The following SGCD variants were observed in gnomAD, a reference collection of about 807,000 sequenced individuals.
The protein encoded by SGCD is sarcoglycan delta.
In SGCD, 18 loss-of-function variants were observed where a neutral mutation model predicts 36.6. The ratio of observed to expected loss-of-function variants is 0.49; its 90% CI spans 0.34 to 0.73. The LOEUF is 0.73. SGCD is among the 30% of genes least tolerant of loss of function. The pLI, the probability that SGCD is intolerant of heterozygous loss-of-function variation, is 0.01. For missense variants in SGCD, 387 were observed against 346.7 expected (o/e 1.12, Z -0.92); for synonymous variants, 133 against 130.6 (o/e 1.02, Z -0.12).
chr5:156,477,127 A>C (rs1448852518), intron 3 of SGCD, among the ~76,000 whole-genome samples: 3 of 151,972 alleles, frequency 2.0e-5, no homozygotes, highest in Admixed American at 2.0e-4. Flanking sequence ...AGCATTTCAG[A>C]GTCAGTGCTT....
intron 3 of SGCD, among the ~76,000 whole-genome samples, chr5:156,452,956 G>A (rs760016115): frequency 1.3e-5 from 2 of 152,094 alleles, no homozygotes; most frequent in Non-Finnish European, 2.9e-5. Flanking sequence ...CTATGACCCA[G>A]CCGAATCTTA....
chr5:156,542,130 CAAAGTTAGGGGAA>C (rs1758371152), intron 4 of SGCD, among the ~76,000 whole-genome samples: 1 of 151,800 alleles, frequency 6.6e-6, no homozygotes. Context: ...AGTAGACAGG[CAAAGTTAGGGGAA>C]AAAGGAAGAT....
intron 3 of SGCD, among the ~76,000 whole-genome samples, chr5:156,126,587 G>T (rs778452396): frequency 3.9e-5 from 6 of 152,146 alleles, no homozygotes; most frequent in Non-Finnish European, 4.4e-5. Context: ...CCAAAACCCA[G>T]TTTCCAGGGA....
chr5:156,174,012 T>C (rs887696327), intron 3 of SGCD, among the ~76,000 whole-genome samples: 6 of 152,214 alleles, frequency 3.9e-5, no homozygotes, highest in African/African-American at 1.4e-4. Context: ...AGTGGCTTCA[T>C]AGATTTAAAA....
At chr5:155,891,558 C>CTTTTTTTT (rs372399423) in intron 1 of SGCD, among the ~76,000 whole-genome samples, 797 of 60,482 alleles carry the variant, frequency 0.013, 46 homozygotes, top group Middle Eastern at 0.026. Context: ...AATAAATACT[C>CTTTTTTTT]TTTTTTTTTT....
chr5:156,526,183 A>G (rs981695880), intron 4 of SGCD, among the ~76,000 whole-genome samples: 1 of 152,122 alleles, frequency 6.6e-6, no homozygotes, highest in Non-Finnish European at 1.5e-5. Flanking sequence ...TCTAAGCACT[A>G]AAGAACTTAA....
intron 1 of SGCD, among the ~76,000 whole-genome samples, chr5:156,038,890 T>C (rs547869167): frequency 1.3e-5 from 2 of 152,312 alleles, no homozygotes; most frequent in Non-Finnish European, 2.9e-5. Flanking sequence ...AAGTGGTATA[T>C]ATTAGGTAAA....
At chr5:156,275,330 T>C (rs1226002674) in intron 3 of SGCD, among the ~76,000 whole-genome samples, 1 of 152,198 alleles carries the variant, frequency 6.6e-6, no homozygotes, top group Non-Finnish European at 1.5e-5. Context: ...CTATGTATGA[T>C]GATTTTTCTC....
At chr5:156,400,754 C>G (rs1378808671) in intron 3 of SGCD, among the ~76,000 whole-genome samples, 1 of 152,218 alleles carries the variant, frequency 6.6e-6, no homozygotes, top group Non-Finnish European at 1.5e-5. Flanking sequence ...ACTTCTTGGA[C>G]TCTCCTATGA....
chr5:155,938,479 G>A (rs910783535), intron 1 of SGCD, among the ~76,000 whole-genome samples: 5 of 152,314 alleles, frequency 3.3e-5, no homozygotes, highest in South Asian at 2.1e-4. Context: ...TGTTACTGGC[G>A]TTTCATTAAT....
intron 3 of SGCD, among the ~76,000 whole-genome samples, chr5:156,404,667 G>T (rs1053844068): frequency 1.3e-5 from 2 of 152,008 alleles, no homozygotes; most frequent in African/African-American, 4.8e-5. Context: ...AAAATGCAAT[G>T]GTAGATCATA....
the SGCD span, among the ~76,000 whole-genome samples, chr5:155,833,849 C>A: frequency 6.6e-6 from 1 of 152,218 alleles, no homozygotes; most frequent in East Asian, 1.9e-4. Context: ...TCAGGTCAAC[C>A]TATTTGGCCT....
chr5:156,174,901 A>T (rs1432528342), intron 3 of SGCD, among the ~76,000 whole-genome samples: 1 of 152,252 alleles, frequency 6.6e-6, no homozygotes, highest in Non-Finnish European at 1.5e-5. Context: ...TACAGAGATG[A>T]TAAGTTATAA....
chr5:156,248,823 G>T (rs1765504461), intron 3 of SGCD, among the ~76,000 whole-genome samples: 2 of 152,176 alleles, frequency 1.3e-5, no homozygotes, highest in Admixed American at 6.5e-5. Context: ...GAGAAGGAAA[G>T]AAGCCATTCT....
At chr5:156,502,387 C>T (rs1275493228) in intron 3 of SGCD, among the ~76,000 whole-genome samples, 1 of 152,014 alleles carries the variant, frequency 6.6e-6, no homozygotes, top group Non-Finnish European at 1.5e-5. Context: ...TTGCTCTTTC[C>T]CAGGCTGGAG....
intron 1 of SGCD, among the ~76,000 whole-genome samples, chr5:156,104,907 A>G (rs1206872776): frequency 6.6e-6 from 1 of 152,180 alleles, no homozygotes. Flanking sequence ...CATGGAAAGC[A>G]GGATACAGAG....
the SGCD span, among the ~76,000 whole-genome samples, chr5:155,745,313 T>A: frequency 6.6e-6 from 1 of 152,216 alleles, no homozygotes; most frequent in Non-Finnish European, 1.5e-5. Flanking sequence ...GATATTATGA[T>A]AATGTTCTAA....
intron 1 of SGCD, among the ~76,000 whole-genome samples, chr5:156,014,700 A>AT (rs1283837724): frequency 6.6e-6 from 1 of 151,666 alleles, no homozygotes; most frequent in African/African-American, 2.4e-5. Flanking sequence ...TCTTTGTCAC[A>AT]TTTTTTCCTT....
chr5:156,232,656 AC>A (rs1417591591), intron 3 of SGCD, among the ~76,000 whole-genome samples: 1 of 152,212 alleles, frequency 6.6e-6, no homozygotes, highest in Non-Finnish European at 1.5e-5. Context: ...GATTTGACAG[AC>A]CGTGAAATCT....
Sources: gnomAD v4.1 joint callset for allele counts (sites outside exome capture counted in the v4.1 genomes callset) on GRCh38, gnomAD v4.1.1 for gene constraint, MANE v1.5 for transcripts, NCBI Gene and HGNC (gene_info 2026-07-23, HGNC 2026-07-21) for gene names.